Variants in MID2 observed in about 807,000 individuals in gnomAD.
MID2 encodes the protein probable E3 ubiquitin-protein ligase MID2.
In MID2, 13 loss-of-function variants were observed where a neutral mutation model predicts 46.1. The ratio of observed to expected loss-of-function variants is 0.28; its 90% CI spans 0.18 to 0.45. The LOEUF (loss-of-function observed/expected upper bound fraction) is 0.45, where lower values mean the gene tolerates loss of function less well. Ranked by LOEUF, MID2 falls within the 20% of genes least tolerant of loss-of-function variation. The pLI, the probability that MID2 is intolerant of heterozygous loss-of-function variation, is 1.00. For synonymous variants in MID2, 199 were observed against 212.3 expected (o/e 0.94, Z 0.55); for missense variants, 431 against 575.4 (o/e 0.75, Z 2.57).
At chrX:107,879,903 A>C (rs1193224126) in intron 3 of MID2, among the ~76,000 whole-genome samples, 5 of 110,211 alleles carry the variant, frequency 4.5e-5, no homozygotes, top group Non-Finnish European at 1.9e-5. Flanking sequence ...CAAAGTTTAC[A>C]TGTAACTATT....
intron 3 of MID2, among the ~76,000 whole-genome samples, chrX:107,893,381 G>A (rs747973950): frequency 8.9e-6 from 1 of 112,220 alleles, no homozygotes; most frequent in African/African-American, 3.2e-5. Context: ...AATATCTCAG[G>A]TTAACAGTCT....
At chrX:107,827,036 A>T (rs1930970502) in intron 1 of MID2, among the ~76,000 whole-genome samples, 1 of 112,820 alleles carries the variant, frequency 8.9e-6, no homozygotes, top group African/African-American at 3.2e-5. Flanking sequence ...GGGAAAACTT[A>T]CATATGTCCA....
chrX:107,850,022 G>A (rs1202130224), intron 2 of MID2, among the ~76,000 whole-genome samples: 2 of 112,039 alleles, frequency 1.8e-5, no homozygotes, highest in Admixed American at 9.5e-5. Flanking sequence ...TAACTGTCCT[G>A]AGAAAGTTGC....
chrX:107,861,627 G>GACAA (rs1165623008), intron 3 of MID2, among the ~76,000 whole-genome samples: 2 of 112,035 alleles, frequency 1.8e-5, no homozygotes, highest in Non-Finnish European at 3.8e-5. Context: ...TCTCAAAACA[G>GACAA]ACAAACAAAC....
chrX:107,869,458 A>G (rs756749863), intron 3 of MID2, among the ~76,000 whole-genome samples: 55 of 111,807 alleles, frequency 4.9e-4, no homozygotes, highest in Non-Finnish European at 8.1e-4. Flanking sequence ...GTGTCTCCAT[A>G]TGAACTTTTA....
chrX:107,871,959 G>A (rs749035273), intron 3 of MID2, among the ~76,000 whole-genome samples: 3 of 111,717 alleles, frequency 2.7e-5, no homozygotes, highest in Non-Finnish European at 5.6e-5. Context: ...TTTGGGACAC[G>A]GTTCCAGGCT....
At chrX:107,896,765 C>A (rs1487537891) in intron 3 of MID2, among the ~76,000 whole-genome samples, 1 of 110,928 alleles carries the variant, frequency 9.0e-6, no homozygotes, top group Admixed American at 9.6e-5. Flanking sequence ...AGAGGCAACT[C>A]TAAAGGAAAA....
At chrX:107,876,650 A>G (rs1411326532) in intron 3 of MID2, among the ~76,000 whole-genome samples, 1 of 110,677 alleles carries the variant, frequency 9.0e-6, no homozygotes, top group Non-Finnish European at 1.9e-5. Context: ...CCCTGACAAT[A>G]TATGTGATAC....
chrX:107,842,732 T>G (rs1226120967), intron 2 of MID2, among the ~76,000 whole-genome samples: 2 of 112,437 alleles, frequency 1.8e-5, no homozygotes, highest in African/African-American at 6.5e-5. Flanking sequence ...TCACTCAAGT[T>G]GATACTCTCA....
chrX:107,841,352 C>T lies in MID2; in HGVS notation c.687C>T (p.Val229=), dbSNP rs755032469. ...KLVGRHRDHQ[V]ASLNDRFEKL... is the part of the protein sequence containing the mutation. ...TGGGTCGTCACCGAGACCATCAGGT[C>T]GCATCCCTGAATGATCGATTTGAGA... The change falls in exon 2 of 10, where the codon GTC becomes GTT. Residue 229 remains valine (V), a synonymous_variant. Coordinates refer to ENST00000262843, the MANE Select transcript of MID2 (RefSeq NM_012216.4). The T allele has an allele frequency of 4.2e-6, 5 of 1,201,545 alleles. No homozygotes were observed. In the African/African-American group the frequency reaches 5.3e-5, roughly 13 times the overall value.
intron 3 of MID2, among the ~76,000 whole-genome samples, chrX:107,879,491 T>C (rs1456020466): frequency 1.8e-5 from 2 of 112,504 alleles, no homozygotes; most frequent in Non-Finnish European, 3.8e-5. Context: ...TAGTCTCTGA[T>C]GTCCAGCTGC....
rs771121716 is a variant in MID2, at chrX:107,929,047, G to T, written c.*1974G>T. Among the ~76,000 whole-genome samples the T allele has an allele frequency of 9.0e-6, 1 of 111,430 alleles. No individual in the cohort carries two copies. Among genetic ancestry groups the T allele is most frequent in the African/African-American group, 3.3e-5 (1 of 30,705 alleles). ...ACAAGTACCTCACTTCTCTGAGCCTGTTTCCTCCTCTGTAAAATAATGTCT... is the reference window on the plus strand; with the variant it reads ...ACAAGTACCTCACTTCTCTGAGCCTTTTTCCTCCTCTGTAAAATAATGTCT... On this transcript the variant is annotated 3_prime_UTR_variant, in exon 10 of 10. Transcript: ENST00000262843.
At chrX:107,915,139 T>C (rs1218300479) in intron 5 of MID2, among the ~76,000 whole-genome samples, 1 of 112,343 alleles carries the variant, frequency 8.9e-6, no homozygotes, top group East Asian at 2.8e-4. Flanking sequence ...GTTAGGGCCA[T>C]GGAAGATATT....
At chrX:107,849,179 A>T (rs1343446613) in intron 2 of MID2, among the ~76,000 whole-genome samples, 1 of 112,251 alleles carries the variant, frequency 8.9e-6, no homozygotes, top group African/African-American at 3.2e-5. Flanking sequence ...GAATACAGAC[A>T]TTCTATGACA....
intron 1 of MID2, among the ~76,000 whole-genome samples, chrX:107,837,971 G>C (rs1931246577): frequency 8.9e-6 from 1 of 112,217 alleles, no homozygotes; most frequent in Non-Finnish European, 1.9e-5. Flanking sequence ...AACTTGTGCT[G>C]TGAATGAAAA....
At chrX:107,914,161 C>T (rs1932931980) in intron 5 of MID2, among the ~76,000 whole-genome samples, 1 of 112,239 alleles carries the variant, frequency 8.9e-6, no homozygotes, top group Non-Finnish European at 1.9e-5. Context: ...GATGTGTGAG[C>T]TCTTGAAGGC....
At chrX:107,843,265 T>C (rs959676373) in intron 2 of MID2, among the ~76,000 whole-genome samples, 1 of 112,124 alleles carries the variant, frequency 8.9e-6, no homozygotes, top group East Asian at 2.8e-4. Flanking sequence ...TGTGTCCATA[T>C]GCACTGTTGA....
chrX:107,826,977 A>G (rs66939798), intron 1 of MID2, among the ~76,000 whole-genome samples: 2 of 112,023 alleles, frequency 1.8e-5, no homozygotes, highest in Admixed American at 9.3e-5. Flanking sequence ...CTCCGTCTGG[A>G]TGGTTCCTTA....
intron 3 of MID2, among the ~76,000 whole-genome samples, chrX:107,866,482 T>C (rs1931961640): frequency 1.1e-5 from 1 of 90,830 alleles, no homozygotes; most frequent in South Asian, 5.6e-4. Flanking sequence ...CACACAACAC[T>C]GACCTACAGT....
Sources: allele counts gnomAD v4.1 joint callset (sites outside exome capture counted in the v4.1 genomes callset), GRCh38; gene constraint gnomAD v4.1.1; transcripts MANE v1.5; gene names NCBI Gene and HGNC (gene_info 2026-07-23, HGNC 2026-07-21).